RANBP2: variants seen among roughly 807,000 people sequenced by gnomAD.
RANBP2 encodes the protein E3 SUMO-protein ligase RanBP2.
In RANBP2, 57 loss-of-function variants were observed where a neutral mutation model predicts 303.6. The observed-to-expected ratio is 0.19, with a 90% CI of 0.15 to 0.23. The LOEUF is 0.23. Among genes scored for constraint, RANBP2 ranks in the 10% least tolerant of loss-of-function variants. The pLI is 1.00. For missense variants in RANBP2, 3,138 were observed against 3,780.8 expected (o/e 0.83, Z 4.46); for synonymous variants, 1,167 against 1,301.5 (o/e 0.90, Z 2.23).
chr2:108,774,704 CTTTTT>C (rs5833302), intron 23 of RANBP2, among the ~76,000 whole-genome samples: 1 of 138,228 alleles, frequency 7.2e-6, no homozygotes, highest in Non-Finnish European at 1.6e-5. Context: ...TTTCTAGTTT[CTTTTT>C]TTTTTTTTTG....
the RANBP2 span, among the ~76,000 whole-genome samples, chr2:109,153,953 A>G: frequency 6.6e-6 from 1 of 152,242 alleles, no homozygotes; most frequent in African/African-American, 2.4e-5. Context: ...TAAGAATTTC[A>G]TTACGTGACC....
At chr2:109,408,890 G>A in the RANBP2 span, among the ~76,000 whole-genome samples, 5 of 152,208 alleles carry the variant, frequency 3.3e-5, no homozygotes, top group Middle Eastern at 3.2e-3. Flanking sequence ...TACCATCAGA[G>A]GCAACAGGCG....
At chr2:109,607,428 C>A in the RANBP2 span, among the ~76,000 whole-genome samples, 1 of 151,978 alleles carries the variant, frequency 6.6e-6, no homozygotes, top group African/African-American at 2.4e-5. Context: ...TCAATGGGGG[C>A]AGTACCTGTA....
the RANBP2 span, among the ~76,000 whole-genome samples, chr2:109,276,765 A>C: frequency 1.3e-5 from 2 of 152,152 alleles, no homozygotes; most frequent in African/African-American, 4.8e-5. Context: ...TTTTGTTTCT[A>C]GAGAAAACAG....
At chr2:109,584,816 C>A in the RANBP2 span, among the ~76,000 whole-genome samples, 1 of 151,986 alleles carries the variant, frequency 6.6e-6, no homozygotes. Flanking sequence ...GAGATAAGCC[C>A]TGCCTGAAAA....
the RANBP2 span, among the ~76,000 whole-genome samples, chr2:109,049,322 G>A: frequency 2.0e-5 from 3 of 152,194 alleles, no homozygotes; most frequent in African/African-American, 7.2e-5. Flanking sequence ...TCCCGCACTT[G>A]CCTCTTCTCT....
chr2:109,544,384 G>T, the RANBP2 span: 1 of 1,542,714 alleles, frequency 6.5e-7, no homozygotes. Context: ...GTAAAAATTA[G>T]CAAACATGCA....
chr2:109,128,957 C>T, the RANBP2 span: 31 of 416,786 alleles, frequency 7.4e-5, no homozygotes, highest in African/African-American at 6.6e-4. Flanking sequence ...CCCGCAGTGA[C>T]CGTGACCTCC....
chr2:108,957,794 C>T, the RANBP2 span, among the ~76,000 whole-genome samples: 1 of 152,234 alleles, frequency 6.6e-6, no homozygotes, highest in Non-Finnish European at 1.5e-5. Flanking sequence ...TTTCTTTCCC[C>T]TTTTGCTCCT....
At chr2:108,864,773 GAC>G in the RANBP2 span, among the ~76,000 whole-genome samples, 1 of 139,110 alleles carries the variant, frequency 7.2e-6, no homozygotes, top group African/African-American at 2.6e-5. Flanking sequence ...CAGCCTGGGC[GAC>G]AGAGCGAGAC....
the RANBP2 span, among the ~76,000 whole-genome samples, chr2:109,492,321 T>C: frequency 5.3e-5 from 8 of 152,222 alleles, no homozygotes; most frequent in Non-Finnish European, 1.0e-4. Context: ...AGATGATGCC[T>C]AGCGCCAAGC....
chr2:109,084,770 T>C, the RANBP2 span, among the ~76,000 whole-genome samples: 1 of 152,114 alleles, frequency 6.6e-6, no homozygotes, highest in Non-Finnish European at 1.5e-5. Context: ...TCAGCAGAAA[T>C]GACAGCATGA....
the RANBP2 span, among the ~76,000 whole-genome samples, chr2:109,401,547 T>A: frequency 1.3e-5 from 2 of 152,166 alleles, no homozygotes; most frequent in African/African-American, 4.8e-5. Flanking sequence ...CTGTAATTTG[T>A]GAGTAATATG....
the RANBP2 span, chr2:109,615,506 C>A: frequency 6.2e-7 from 1 of 1,613,796 alleles, no homozygotes; most frequent in South Asian, 1.1e-5. Flanking sequence ...CCAGGACGAG[C>A]GGGGGTTACA....
the RANBP2 span, among the ~76,000 whole-genome samples, chr2:109,459,132 A>G: frequency 6.6e-6 from 1 of 152,122 alleles, no homozygotes; most frequent in Non-Finnish European, 1.5e-5. Flanking sequence ...ATATCTTGTA[A>G]CTTAAATACT....
the RANBP2 span, among the ~76,000 whole-genome samples, chr2:109,676,011 G>A: frequency 6.6e-6 from 1 of 152,234 alleles, no homozygotes; most frequent in Non-Finnish European, 1.5e-5. Flanking sequence ...CTATGCACCC[G>A]CGCTGTCCAC....
chr2:109,413,829 G>C, the RANBP2 span, among the ~76,000 whole-genome samples: 1 of 152,232 alleles, frequency 6.6e-6, no homozygotes, highest in Non-Finnish European at 1.5e-5. Flanking sequence ...CAAGCCAGGA[G>C]TGAGGGCTTT....
intron 1 of RANBP2, among the ~76,000 whole-genome samples, chr2:108,727,862 G>GA (rs1328450173): frequency 1.3e-5 from 2 of 152,058 alleles, no homozygotes; most frequent in African/African-American, 4.8e-5. Context: ...CTCGGTCTCC[G>GA]AAAGTGCTGG....
chr2:109,585,636 T>C, the RANBP2 span: 1 of 912,364 alleles, frequency 1.1e-6, no homozygotes, highest in Non-Finnish European at 1.8e-6. Flanking sequence ...ATTGATAACA[T>C]GAGCATTGTT....
Sources: allele counts gnomAD v4.1 joint callset (sites outside exome capture counted in the v4.1 genomes callset), GRCh38; gene constraint gnomAD v4.1.1; transcripts MANE v1.5; gene names NCBI Gene and HGNC (gene_info 2026-07-23, HGNC 2026-07-21).